CYP46A1: variants seen among roughly 807,000 people sequenced by gnomAD.
CYP46A1 encodes the protein cholesterol 24-hydroxylase.
In CYP46A1, 20 loss-of-function variants were observed where a neutral mutation model predicts 63.3. That is an observed-to-expected ratio of 0.32 (90% CI 0.22 to 0.46). The LOEUF (loss-of-function observed/expected upper bound fraction) is 0.46. Among genes scored for constraint, CYP46A1 ranks in the 20% least tolerant of loss-of-function variants. The pLI is 1.00. For synonymous variants in CYP46A1, 268 were observed against 273.6 expected (o/e 0.98, Z 0.20); for missense variants, 445 against 670.8 (o/e 0.66, Z 3.72).
At chr14:99,692,832 A>G (rs1412425532) in intron 3 of CYP46A1, among the ~76,000 whole-genome samples, 4 of 152,060 alleles carry the variant, frequency 2.6e-5, no homozygotes, top group Non-Finnish European at 5.9e-5. Flanking sequence ...TCCATCTCCA[A>G]AAAAGAAAAA....
Position 99,722,601 on chromosome 14 carries a change from G to T in CYP46A1, c.1176+535G>T, listed in dbSNP as rs6575744. 1.5e-4 allele frequency among the ~76,000 whole-genome samples: 22 copies of T among 151,620 alleles called. No individual in the cohort carries two copies. Among genetic ancestry groups the T allele is most frequent in the African/African-American group, 5.3e-4 (22 of 41,202 alleles). ...CTAGGATATAGTCACTCCCTGCTCC[G>T]CTGACAAGGAATCACTAATCTGAAT... is the stretch of plus-strand genomic sequence containing the variant. On this transcript the variant is annotated intron_variant, in intron 12 of 14. Transcript: ENST00000261835. This position sits in a 1 kb window ranked among gnomAD's most constrained non-coding sequence, Gnocchi z 4.6.
At chr14:99,707,437 C>A in intron 6 of CYP46A1, 131 bp from the exon 7 acceptor site, 2 of 660,740 alleles carry the variant, frequency 3.0e-6, no homozygotes, top group Non-Finnish European at 5.4e-6. Context: ...TCATTGTAAG[C>A]AGCTGATGAT....
Position 99,690,968 on chromosome 14 carries a change from C to G in CYP46A1, c.120-113C>G. ...TCCCTGAGCCAGTGCTGTAACCTCC[C>G]CATGCCTCGGTCCTCCTGTCTGTGA... On this transcript the variant is annotated intron_variant, in intron 1 of 14. Coordinates refer to ENST00000261835, the MANE Select transcript of CYP46A1 (RefSeq NM_006668.2). The G allele has an allele frequency of 1.1e-5, 11 of 991,550 alleles. No homozygotes were observed. In the South Asian group the frequency reaches 1.6e-4, roughly 14 times the overall value. 61.4% of individuals were successfully genotyped at this position (991,550 alleles called of 1,614,324 possible).
At chr14:99,693,685 A>T (rs2056562408) in intron 3 of CYP46A1, 1 of 152,126 alleles carries the variant, frequency 6.6e-6, no homozygotes, top group South Asian at 2.1e-4. Flanking sequence ...TATGGGAGTG[A>T]TGTTATTTCT....
At chr14:99,706,925 G>A in intron 6 of CYP46A1, 140 bp downstream of exon 6, 1 of 1,119,406 alleles carries the variant, frequency 8.9e-7, no homozygotes, top group East Asian at 2.6e-5. Context: ...CATATATTCT[G>A]TATACATTCT....
chr14:99,714,409 C>A (rs2056768014), intron 7 of CYP46A1, among the ~76,000 whole-genome samples: 2 of 152,158 alleles, frequency 1.3e-5, no homozygotes, highest in African/African-American at 2.4e-5. Flanking sequence ...GGAACACCTG[C>A]ACAATAGCCA....
chr14:99,720,494 C>G (rs2056836251), intron 10 of CYP46A1, among the ~76,000 whole-genome samples: 2 of 136,538 alleles, frequency 1.5e-5, no homozygotes, highest in Admixed American at 8.1e-5. Context: ...GAGTCTCGCT[C>G]TGTTGCTAGG....
intron 4 of CYP46A1, 51 bp downstream of exon 4, chr14:99,699,590 G>A: frequency 3.2e-6 from 5 of 1,583,158 alleles, no homozygotes; most frequent in Non-Finnish European, 4.3e-6. Flanking sequence ...GAGCCCTGCT[G>A]TGAGTGAGGG....
chr14:99,696,358 C>T (rs1406972264), intron 3 of CYP46A1, among the ~76,000 whole-genome samples: 1 of 152,054 alleles, frequency 6.6e-6, no homozygotes, highest in East Asian at 1.9e-4. Flanking sequence ...TGGGCTCAAG[C>T]AATCCTCCCA....
chr14:99,688,697 G>GC (rs2056517244), intron 1 of CYP46A1, among the ~76,000 whole-genome samples: 2 of 152,014 alleles, frequency 1.3e-5, no homozygotes, highest in Non-Finnish European at 2.9e-5. Flanking sequence ...TGTAGCTGCC[G>GC]CCCCCTATGG....
intron 9 of CYP46A1, chr14:99,717,768 C>G (rs72708320): frequency 0.063 from 24,751 of 391,112 alleles, 996 homozygotes; most frequent in Middle Eastern, 0.088. Context: ...GAAGGCGAGG[C>G]CTTGGGCTCA....
chr14:99,707,198 G>C (rs76113576), intron 6 of CYP46A1, among the ~76,000 whole-genome samples: 8,394 of 152,312 alleles, frequency 0.055, 310 homozygotes, highest in Middle Eastern at 0.099. Context: ...GCAGGTCAGG[G>C]AACTGCAGTG....
In CYP46A1 at chr14:99,706,670, C is replaced by T; in HGVS notation, c.467C>T (p.Thr156Ile). 1 of 1,613,964 alleles carries T rather than the reference C, an allele frequency of 6.2e-7. No individual in the cohort carries two copies. Among genetic ancestry groups the T allele is most frequent in the Non-Finnish European group, 8.5e-7 (1 of 1,180,012 alleles). Residue 156 changes from threonine to isoleucine, a missense_variant, in exon 6 of 15, where the codon ACA becomes ATA. By Grantham distance (89) the Thr-to-Ile change is moderately conservative (BLOSUM62 -1). Transcript: ENST00000261835. ...AGCTCCTTGGTTAGCTTAATGGAAA[C>T]ATTCAACGAGAAGGCTGAGCAGCTG... ...SRSSLVSLME[T>I]FNEKAEQLVE...
chr14:99,715,902 G>A lies in CYP46A1; in HGVS notation c.786G>A (p.Arg262=). The part of the protein sequence containing the change: ...QVGRDWVQRR[R]EALKRGEEVP... ...GCAGGGACTGGGTCCAGCGCCGCCG[G>A]GAAGCCCTGAAGAGGGGCGAGGAGG... is the stretch of plus-strand genomic sequence containing the variant. Residue 262 remains arginine (R), a synonymous_variant, in exon 8 of 15, where the codon CGG becomes CGA. Coordinates refer to ENST00000261835, the MANE Select transcript of CYP46A1 (RefSeq NM_006668.2). 1 of 1,613,890 alleles carries A rather than the reference G, an allele frequency of 6.2e-7. No homozygotes were observed. The highest frequency in any genetic ancestry group is 1.1e-5 in the South Asian group (1 of 91,024).
intron 1 of CYP46A1, among the ~76,000 whole-genome samples, chr14:99,687,983 G>GTT (rs57410569): frequency 1.0e-3 from 150 of 149,708 alleles, no homozygotes; most frequent in African/African-American, 2.6e-3. Flanking sequence ...GAAGGAATGG[G>GTT]TTTTTTTTCC....
intron 9 of CYP46A1, chr14:99,717,832 C>T (rs2056805191): frequency 3.8e-6 from 2 of 521,098 alleles, no homozygotes; most frequent in African/African-American, 3.9e-5. Context: ...CACAGAGACC[C>T]ATTCCTCTCC....
intron 3 of CYP46A1, chr14:99,693,684 G>A (rs1275825054): frequency 6.6e-6 from 1 of 152,150 alleles, no homozygotes; most frequent in African/African-American, 2.4e-5. Context: ...GTATGGGAGT[G>A]ATGTTATTTC....
intron 10 of CYP46A1, among the ~76,000 whole-genome samples, chr14:99,720,365 G>T (rs1271883175): frequency 1.3e-5 from 2 of 152,140 alleles, no homozygotes; most frequent in African/African-American, 2.4e-5. Context: ...CAGTGCGCAA[G>T]GGTTCTTTCT....
intron 9 of CYP46A1, chr14:99,717,848 C>T (rs975049765): frequency 1.9e-6 from 1 of 527,290 alleles, no homozygotes; most frequent in Admixed American, 3.5e-5. Flanking sequence ...TCTCCACCTC[C>T]ACTTTCTCTT....
Sources: gnomAD v4.1 joint callset for allele counts (sites outside exome capture counted in the v4.1 genomes callset) on GRCh38, gnomAD v4.1.1 for gene constraint, Gnocchi (gnomAD v3.1) non-coding constraint, MANE v1.5 for transcripts, NCBI Gene and HGNC (gene_info 2026-07-23, HGNC 2026-07-21) for gene names.